DIAPH3: variants seen among roughly 807,000 people sequenced by gnomAD.
The protein encoded by DIAPH3 is diaphanous related formin 3, also known as protein diaphanous homolog 3.
Under a neutral mutation model 144.3 loss-of-function variants are expected in DIAPH3, and 117 were observed. The observed-to-expected ratio is 0.81, with a 90% CI of 0.70 to 0.95. DIAPH3 has a LOEUF of 0.95. DIAPH3 is among the 40% of genes least tolerant of loss of function. The pLI is 0.00. For missense variants in DIAPH3, 1,421 were observed against 1,412.7 expected (o/e 1.01, Z -0.09); for synonymous variants, 519 against 488.9 (o/e 1.06, Z -0.81).
chr13:60,029,610 C>T (rs1428468067), intron 5 of DIAPH3, among the ~76,000 whole-genome samples: 1 of 152,194 alleles, frequency 6.6e-6, no homozygotes, highest in African/African-American at 2.4e-5. Context: ...TCCATCCTGC[C>T]ACCCTGTGAA....
chr13:59,808,056 A>G (rs1314465738), intron 25 of DIAPH3, among the ~76,000 whole-genome samples: 1 of 151,778 alleles, frequency 6.6e-6, no homozygotes, highest in Admixed American at 6.6e-5. Flanking sequence ...CAGTCATATT[A>G]TAAATAATCA....
At chr13:59,952,998 T>C (rs1025024904) in intron 17 of DIAPH3, among the ~76,000 whole-genome samples, 19 of 151,858 alleles carry the variant, frequency 1.3e-4, no homozygotes, top group African/African-American at 1.7e-4. Context: ...ACCGAATATA[T>C]AAGTAGCTAA....
At chr13:59,877,781 T>C (rs1010841763) in intron 21 of DIAPH3, among the ~76,000 whole-genome samples, 14 of 151,824 alleles carry the variant, frequency 9.2e-5, no homozygotes, top group Non-Finnish European at 1.9e-4. Context: ...GCCCCACTCC[T>C]TTCCCATCTA....
At chr13:60,115,410 A>G (rs1437947992) in intron 2 of DIAPH3, among the ~76,000 whole-genome samples, 1 of 152,228 alleles carries the variant, frequency 6.6e-6, no homozygotes, top group Non-Finnish European at 1.5e-5. Context: ...TACGCAATTT[A>G]CTGGAGAGAT....
chr13:60,124,630 A>G (rs2138171496), intron 2 of DIAPH3, among the ~76,000 whole-genome samples: 1 of 152,258 alleles, frequency 6.6e-6, no homozygotes, highest in Middle Eastern at 3.4e-3. Context: ...GATGGCATCA[A>G]GGGAAAAGCG....
chr13:60,075,157 C>A (rs1291157570), intron 4 of DIAPH3, among the ~76,000 whole-genome samples: 1 of 152,154 alleles, frequency 6.6e-6, no homozygotes, highest in Non-Finnish European at 1.5e-5. Context: ...AAAAAATGCT[C>A]TCCATACCTA....
chr13:59,974,580 A>T, intron 14 of DIAPH3, 124 bp from the exon 15 acceptor site: 1 of 876,020 alleles, frequency 1.1e-6, no homozygotes, highest in African/African-American at 1.7e-5. Context: ...GGTTTTATGA[A>T]AGGAGTGATA....
intron 5 of DIAPH3, among the ~76,000 whole-genome samples, chr13:60,032,611 C>T (rs1404897920): frequency 6.6e-6 from 1 of 152,172 alleles, no homozygotes; most frequent in Admixed American, 6.5e-5. Flanking sequence ...AGCAGTGTCT[C>T]AAGGTTGCAC....
chr13:59,805,476 T>C (rs1485088643), intron 25 of DIAPH3, among the ~76,000 whole-genome samples: 1 of 152,066 alleles, frequency 6.6e-6, no homozygotes, highest in Non-Finnish European at 1.5e-5. Context: ...CTATGCTTAG[T>C]AGTTTTCATG....
intron 4 of DIAPH3, among the ~76,000 whole-genome samples, chr13:60,072,817 CACAT>C (rs1232328899): frequency 3.9e-5 from 6 of 152,166 alleles, no homozygotes; most frequent in African/African-American, 1.4e-4. Flanking sequence ...CCAGCCTACA[CACAT>C]AAAGTAATAT....
chr13:59,943,831 G>T (rs1199184804), intron 17 of DIAPH3, among the ~76,000 whole-genome samples: 1 of 152,020 alleles, frequency 6.6e-6, no homozygotes, highest in Non-Finnish European at 1.5e-5. Context: ...ATGACCAAAG[G>T]CTTTGATTGG....
intron 3 of DIAPH3, among the ~76,000 whole-genome samples, chr13:60,102,949 G>A (rs775752521): frequency 2.0e-5 from 3 of 151,852 alleles, no homozygotes; most frequent in East Asian, 1.9e-4. Flanking sequence ...ATTAGTCAGC[G>A]GCAGCCCTTA....
chr13:60,042,587 T>C (rs951883885), intron 5 of DIAPH3, 103 bp downstream of exon 5: 9 of 1,398,360 alleles, frequency 6.4e-6, no homozygotes, highest in Non-Finnish European at 8.0e-6. Flanking sequence ...AGTTTGTACT[T>C]TGAGAAACTG....
In DIAPH3 at chr13:60,114,535, GA is replaced by G. The variant is rs375967150; in HGVS notation, c.214-2350del. Among the ~76,000 whole-genome samples, 8 of 151,956 alleles carry G rather than the reference GA, an allele frequency of 5.3e-5. No homozygotes were observed. In the East Asian group the frequency reaches 1.5e-3, roughly 29 times the overall value. Reference sequence around the variant, plus strand: ...AAGAGAGAGTGGAAATGGTACAGAAGAAATATTTCAGAAGATAATGACTAAG... The same window carrying G: ...AAGAGAGAGTGGAAATGGTACAGAAGAATATTTCAGAAGATAATGACTAAG... On this transcript the variant is annotated intron_variant, in intron 2 of 27. Coordinates refer to ENST00000400324, the MANE Select transcript of DIAPH3 (RefSeq NM_001042517.2).
chr13:59,958,126 C>A (rs892172680), intron 17 of DIAPH3, among the ~76,000 whole-genome samples: 1 of 152,084 alleles, frequency 6.6e-6, no homozygotes, highest in African/African-American at 2.4e-5. Flanking sequence ...AATGTGATTT[C>A]CCTCAGTGAT....
At chr13:59,676,955 C>T (rs1380924221) in intron 27 of DIAPH3, among the ~76,000 whole-genome samples, 3 of 152,092 alleles carry the variant, frequency 2.0e-5, no homozygotes, top group Admixed American at 6.5e-5. Context: ...ATATATACTA[C>T]ATTAGCCATA....
rs570196858 is a variant in DIAPH3, at chr13:59,955,034, T to C, written c.2074+14910A>G. ...AAATAATCCAACGATTACTCAACTT[T>C]AGATTTTCTGGTTTATGGAATATTC... On this transcript the variant is annotated intron_variant, in intron 17 of 27. Coordinates refer to ENST00000400324, the MANE Select transcript of DIAPH3 (RefSeq NM_001042517.2). Among the ~76,000 whole-genome samples, 41 of 151,850 alleles carry C rather than the reference T, an allele frequency of 2.7e-4. No homozygotes were observed. In the South Asian group the frequency reaches 4.2e-3, roughly 15 times the overall value.
At chr13:59,985,436 C>T (rs1403859511) in intron 12 of DIAPH3, among the ~76,000 whole-genome samples, 28 of 58,404 alleles carry the variant, frequency 4.8e-4, no homozygotes, top group Non-Finnish European at 6.9e-4. Flanking sequence ...CCTCTCTCAC[C>T]GCTCCTATTC....
rs762777029 is a variant in DIAPH3 at position 59,756,409 on chromosome 13, A to AAAGGAAGGAAGGAAGGAAGGAAGG, written c.3319+17756_3319+17779dup. Among the ~76,000 whole-genome samples, 43 of 137,624 alleles carry AAAGGAAGGAAGGAAGGAAGGAAGG rather than the reference A, an allele frequency of 3.1e-4. 1 individual carries two copies. Among genetic ancestry groups the AAAGGAAGGAAGGAAGGAAGGAAGG allele is most frequent in the Non-Finnish European group, 3.4e-4 (22 of 64,946 alleles). 90.3% of individuals were successfully genotyped at this position (137,624 alleles called of 152,430 possible). On this transcript the variant is annotated intron_variant, in intron 27 of 27. Coordinates refer to ENST00000400324, the MANE Select transcript of DIAPH3 (RefSeq NM_001042517.2). ...TAGATACATGTGGTAAATTTAGTAA[A>AAAGGAAGGAAGGAAGGAAGGAAGG]AAGGAAGGAAGGAAGGAAGGAAGGA...
Sources: allele counts gnomAD v4.1 joint callset (sites outside exome capture counted in the v4.1 genomes callset), GRCh38; gene constraint gnomAD v4.1.1; transcripts MANE v1.5; gene names NCBI Gene and HGNC (gene_info 2026-07-23, HGNC 2026-07-21).